GPC5: variants seen among roughly 807,000 people sequenced by gnomAD.
GPC5 encodes the protein glypican-5.
In GPC5, 47 loss-of-function variants were observed where a neutral mutation model predicts 53.9. The observed-to-expected ratio is 0.87, with a 90% CI of 0.69 to 1.11. The LOEUF is 1.11. Ranked by LOEUF, GPC5 falls within the 50% of genes most tolerant of loss-of-function variation. GPC5 has a pLI of 0.00. For missense variants in GPC5, 748 were observed against 713.1 expected (o/e 1.05, Z -0.56); for synonymous variants, 286 against 263.3 (o/e 1.09, Z -0.84).
chr13:91,817,029 A>G (rs544952620), intron 5 of GPC5, among the ~76,000 whole-genome samples: 1 of 152,320 alleles, frequency 6.6e-6, no homozygotes, highest in Non-Finnish European at 1.5e-5. Context: ...CTGGAAGTCT[A>G]TTATTACAGC....
chr13:91,565,319 G>A (rs2138950333), intron 2 of GPC5, among the ~76,000 whole-genome samples: 1 of 152,200 alleles, frequency 6.6e-6, no homozygotes, highest in Middle Eastern at 3.4e-3. Flanking sequence ...AAAAATTAGA[G>A]TTTATACTGC....
At chr13:92,551,338 G>T in intron 7 of GPC5, among the ~76,000 whole-genome samples, 1 of 151,024 alleles carries the variant, frequency 6.6e-6, no homozygotes, top group East Asian at 1.9e-4. Flanking sequence ...AATAAAAATT[G>T]AGATATCAAA....
intron 5 of GPC5, among the ~76,000 whole-genome samples, chr13:91,789,619 T>C (rs558603102): frequency 5.2e-4 from 79 of 152,278 alleles, no homozygotes; most frequent in Admixed American, 9.2e-4. Context: ...AACATTGAGG[T>C]AAAAATGCAC....
chr13:92,360,588 C>T (rs2043557842), intron 7 of GPC5, among the ~76,000 whole-genome samples: 1 of 151,616 alleles, frequency 6.6e-6, no homozygotes, highest in Non-Finnish European at 1.5e-5. Flanking sequence ...TGCCCCTTCT[C>T]ACCACTCCTA....
At chr13:91,635,052 A>C (rs1435553593) in intron 2 of GPC5, among the ~76,000 whole-genome samples, 3 of 152,122 alleles carry the variant, frequency 2.0e-5, no homozygotes, top group African/African-American at 7.2e-5. Flanking sequence ...GTAGAGTAAG[A>C]CTTGAGAATT....
intron 7 of GPC5, among the ~76,000 whole-genome samples, chr13:92,253,225 A>T (rs1041894144): frequency 6.6e-5 from 10 of 152,108 alleles, no homozygotes; most frequent in African/African-American, 2.2e-4. Flanking sequence ...AGGAGGTAAC[A>T]AAGAAAAGAG....
At position 91,462,290 on chromosome 13, in the gene GPC5, G is replaced by T. The variant is rs143434482; in HGVS notation, c.325+13368G>T. ...TTTGGGGGTGTTTGTAGTTTATGTT[G>T]GTATATGTCTTCCTAAAGCTAAGCT... On this transcript the variant is annotated intron_variant, in intron 2 of 7. Coordinates refer to ENST00000377067, the MANE Select transcript of GPC5 (RefSeq NM_004466.6). Among the ~76,000 whole-genome samples, 116 of 152,108 alleles carry T rather than the reference G, an allele frequency of 7.6e-4. 1 individual carries two copies. The highest frequency in any genetic ancestry group is 2.6e-3 in the African/African-American group (108 of 41,506).
chr13:92,204,769 C>T (rs1237590789), intron 7 of GPC5, among the ~76,000 whole-genome samples: 1 of 152,216 alleles, frequency 6.6e-6, no homozygotes, highest in Non-Finnish European at 1.5e-5. Flanking sequence ...TTTCAGAACA[C>T]ATTACCCTCT....
chr13:92,590,222 A>G (rs756061998), intron 7 of GPC5, among the ~76,000 whole-genome samples: 1 of 152,100 alleles, frequency 6.6e-6, no homozygotes, highest in Non-Finnish European at 1.5e-5. Flanking sequence ...AATCTGAAAT[A>G]CAGAAAGCTA....
chr13:91,919,432 T>C (rs1052036672), intron 6 of GPC5, among the ~76,000 whole-genome samples: 4 of 152,192 alleles, frequency 2.6e-5, no homozygotes, highest in African/African-American at 9.7e-5. Context: ...AATAGAAAAT[T>C]AGCAGACTGT....
At chr13:92,576,958 G>A (rs1444737360) in intron 7 of GPC5, among the ~76,000 whole-genome samples, 1 of 152,122 alleles carries the variant, frequency 6.6e-6, no homozygotes. Flanking sequence ...ATCCTGCAAT[G>A]AGTACTTTTT....
At chr13:92,085,728 G>C (rs1056851448) in intron 6 of GPC5, among the ~76,000 whole-genome samples, 1 of 152,166 alleles carries the variant, frequency 6.6e-6, no homozygotes, top group Non-Finnish European at 1.5e-5. Context: ...ATGGGAGACA[G>C]TGACAGATTA....
intron 1 of GPC5, among the ~76,000 whole-genome samples, chr13:91,411,411 A>T (rs1877778052): frequency 6.6e-6 from 1 of 152,154 alleles, no homozygotes; most frequent in South Asian, 2.1e-4. Flanking sequence ...GTGTGCTGGC[A>T]AATCTCTGTC....
chr13:91,630,396 G>A (rs751327055), intron 2 of GPC5, among the ~76,000 whole-genome samples: 13 of 152,150 alleles, frequency 8.5e-5, no homozygotes, highest in East Asian at 1.9e-4. Context: ...AAATAATACC[G>A]TCTTATTTTT....
rs375358512 is a variant in GPC5, at chr13:91,842,508, T to C, written c.1281-65429T>C. On this transcript the variant is annotated intron_variant, in intron 5 of 7. Transcript: ENST00000377067. ...ACGAGGTCAGGAGATCGAGACCATCTTGGCTAACACGGTGAAACCCCGTTT... is the reference window on the plus strand; with the variant it reads ...ACGAGGTCAGGAGATCGAGACCATCCTGGCTAACACGGTGAAACCCCGTTT... Among the ~76,000 whole-genome samples, 23 of 149,148 alleles carry C rather than the reference T, an allele frequency of 1.5e-4. No homozygotes were observed. The East Asian group carries it at 3.6e-3, about 23-fold the overall frequency.
chr13:92,655,801 A>T (rs1364790056), intron 7 of GPC5, among the ~76,000 whole-genome samples: 1 of 152,190 alleles, frequency 6.6e-6, no homozygotes, highest in Non-Finnish European at 1.5e-5. Context: ...AGTAACTCTC[A>T]TAGTAGCCTA....
At chr13:92,489,256 C>G (rs183034153) in intron 7 of GPC5, among the ~76,000 whole-genome samples, 1 of 152,160 alleles carries the variant, frequency 6.6e-6, no homozygotes. Flanking sequence ...ATTCACTTAT[C>G]TAATGATCCT....
intron 6 of GPC5, among the ~76,000 whole-genome samples, chr13:91,990,327 C>A (rs555334640): frequency 9.9e-5 from 15 of 152,170 alleles, no homozygotes; most frequent in Admixed American, 3.3e-4. Context: ...CCCAAAGATT[C>A]TCTGGCCATG....
intron 6 of GPC5, among the ~76,000 whole-genome samples, chr13:91,944,197 G>A (rs1228388876): frequency 6.6e-6 from 1 of 151,856 alleles, no homozygotes; most frequent in Non-Finnish European, 1.5e-5. Flanking sequence ...CTGGGTTCAC[G>A]TCAATCTCCC....
Sources: gnomAD v4.1 joint callset for allele counts (sites outside exome capture counted in the v4.1 genomes callset) on GRCh38, gnomAD v4.1.1 for gene constraint, MANE v1.5 for transcripts, NCBI Gene and HGNC (gene_info 2026-07-23, HGNC 2026-07-21) for gene names.